The following VPS37A variants were observed in gnomAD, a reference collection of about 807,000 sequenced individuals.
VPS37A encodes vacuolar protein sorting-associated protein 37A.
In VPS37A, 30 loss-of-function variants were observed where a neutral mutation model predicts 49.8. That is an observed-to-expected ratio of 0.60 (90% CI 0.45 to 0.82). VPS37A has a LOEUF of 0.82. Ranked by LOEUF, VPS37A falls within the 40% of genes least tolerant of loss-of-function variation. The pLI, the probability that VPS37A is intolerant of heterozygous loss-of-function variation, is 0.00. For synonymous variants in VPS37A, 195 were observed against 160.6 expected (o/e 1.21, Z -1.62); for missense variants, 593 against 464.4 (o/e 1.28, Z -2.55).
the VPS37A span, among the ~76,000 whole-genome samples, chr8:17,323,261 G>C: frequency 6.6e-6 from 1 of 151,966 alleles, no homozygotes; most frequent in Non-Finnish European, 1.5e-5. Flanking sequence ...GAATTATCTT[G>C]ATTTATTAAG....
Position 17,284,595 on chromosome 8 carries a change from T to G in VPS37A, c.1092T>G (p.Ser364Arg), listed in dbSNP as rs868860607. Residue 364 changes from serine (S) to arginine (R), a missense_variant, in exon 10 of 12, where the codon AGT (serine) becomes AGG (arginine). Transcript: ENST00000324849. The stretch of plus-strand genomic sequence containing the variant: ...AGATGGAAATAGATGATTTTCTCAG[T>G]AGCTTCATGGAAAAGAGAACAGTAT... ...EGKMEIDDFL[S>R]SFMEKRTICH... The G allele has an allele frequency of 6.3e-7, 1 of 1,599,600 alleles. No individual in the cohort carries two copies.
downstream of VPS37A, among the ~76,000 whole-genome samples, chr8:17,302,691 G>T: frequency 1.0e-5 from 1 of 95,456 alleles, no homozygotes; most frequent in African/African-American, 3.6e-5. Context: ...GTTGACATTT[G>T]CATTGGCAAT....
At position 17,272,103 on chromosome 8, in the gene VPS37A, T is replaced by C. The variant is rs1441679137; in HGVS notation, c.417-2630T>C. The stretch of plus-strand genomic sequence containing the variant: ...TTCCATATTATTGCATGCAGCAGTA[T>C]TGGTAAACTTTCCACTAATAAAAAG... On this transcript the variant is annotated intron_variant, in intron 4 of 11. Coordinates refer to ENST00000324849, the MANE Select transcript of VPS37A (RefSeq NM_152415.3). 6.6e-6 allele frequency: 3 copies of C among 456,298 alleles called. No individual in the cohort carries two copies. The East Asian group carries it at 2.1e-4, about 32-fold the overall frequency. The allele number at this position is 456,298 out of a possible 1,614,324, so 28.3% of individuals were successfully genotyped here. A position where few individuals can be genotyped will look rare whatever the true frequency, so the allele number is the denominator to read the frequency against.
At chr8:17,276,523 C>A in intron 6 of VPS37A, 56 bp downstream of exon 6, 1 of 1,486,362 alleles carries the variant, frequency 6.7e-7, no homozygotes, top group Admixed American at 2.0e-5. Context: ...AAGCATAAAC[C>A]AGATTATTAT....
chr8:17,292,151 C>T (rs1816215199), intron 11 of VPS37A, among the ~76,000 whole-genome samples: 3 of 152,136 alleles, frequency 2.0e-5, no homozygotes, highest in African/African-American at 7.2e-5. Flanking sequence ...CTGGGTGCTC[C>T]TGTATTGGGT....
At chr8:17,248,261 CTTTTTTTTT>C in intron 1 of VPS37A, 3 of 396,990 alleles carry the variant, frequency 7.6e-6, no homozygotes, top group Middle Eastern at 8.5e-4. Flanking sequence ...TCCCTAACCC[CTTTTTTTTT>C]TTTTTTTTTT....
chr8:17,273,325 C>T (rs1325942747), intron 4 of VPS37A, among the ~76,000 whole-genome samples: 1 of 152,088 alleles, frequency 6.6e-6, no homozygotes, highest in Non-Finnish European at 1.5e-5. Context: ...GTGTAATGCA[C>T]ATTTGTAGTT....
chr8:17,299,739 G>T, downstream of VPS37A: 2 of 1,371,388 alleles, frequency 1.5e-6, no homozygotes, highest in Non-Finnish European at 2.0e-6. Context: ...CCTTTTCATA[G>T]CTGCATTAAA....
chr8:17,264,089 A>G (rs1490517176), intron 1 of VPS37A, among the ~76,000 whole-genome samples: 2 of 152,146 alleles, frequency 1.3e-5, no homozygotes, highest in Non-Finnish European at 2.9e-5. Flanking sequence ...ATTTTGCGTA[A>G]TCTAACAAAT....
At chr8:17,247,880 C>T (rs903294470) in intron 1 of VPS37A, 15 of 655,872 alleles carry the variant, frequency 2.3e-5, no homozygotes, top group Non-Finnish European at 3.6e-5. Flanking sequence ...AGTCAGTCTT[C>T]TTGAGTCTCT....
In VPS37A at chr8:17,268,282, G is replaced by C. The variant is rs1813656495; in HGVS notation, c.225G>C (p.Gln75His). 7 of 1,612,556 alleles carry C rather than the reference G, an allele frequency of 4.3e-6. No homozygotes were observed. The highest frequency in any genetic ancestry group is 4.2e-6 in the Non-Finnish European group (5 of 1,179,620). Residue 75 changes from glutamine to histidine, a missense_variant, in exon 3 of 12, where the codon CAG becomes CAC. Coordinates refer to ENST00000324849, the MANE Select transcript of VPS37A (RefSeq NM_152415.3). Reference protein sequence around the residue: ...INILLPPQFPQEKPVISVYPP... With the variant: ...INILLPPQFPHEKPVISVYPP... ...GATTGCTTCCTCCACAGTTTCCTCA[G>C]GAAAAACCAGTGATCAGTGTTTATC...
At chr8:17,300,866 A>G (rs941164988), downstream of VPS37A, among the ~76,000 whole-genome samples, 10 of 152,264 alleles carry the variant, frequency 6.6e-5, no homozygotes, top group African/African-American at 9.6e-5. Context: ...GAATGGAATC[A>G]TACAACATGT....
At chr8:17,292,194 C>T (rs150313292) in intron 11 of VPS37A, among the ~76,000 whole-genome samples, 4,500 of 152,158 alleles carry the variant, frequency 0.03, 241 homozygotes, top group African/African-American at 0.1. Context: ...GCTCTTCTTC[C>T]TACATTGATC....
intron 9 of VPS37A, 140 bp from the exon 10 acceptor site, chr8:17,284,332 TA>T: frequency 1.0e-6 from 1 of 956,498 alleles, no homozygotes; most frequent in Non-Finnish European, 1.5e-6. Flanking sequence ...TGGGGCATTA[TA>T]AGACAGCAGA....
chr8:17,274,709 A>G (rs762227747), intron 4 of VPS37A, 24 bp from the exon 5 acceptor site: 2 of 1,573,886 alleles, frequency 1.3e-6, no homozygotes, highest in African/African-American at 1.4e-5. Context: ...ATCTAATGTA[A>G]TGATCTTCTC....
At chr8:17,311,606 C>T in the VPS37A span, 5 of 1,614,140 alleles carry the variant, frequency 3.1e-6, no homozygotes, top group Non-Finnish European at 4.2e-6. Flanking sequence ...GAACAGTGAA[C>T]AAGCACACTT....
downstream of VPS37A, among the ~76,000 whole-genome samples, chr8:17,300,767 T>G (rs1026146571): frequency 6.6e-6 from 1 of 152,210 alleles, no homozygotes; most frequent in Non-Finnish European, 1.5e-5. Flanking sequence ...AGCAGTCATT[T>G]CCCATTCCTA....
intron 1 of VPS37A, chr8:17,248,108 C>A: frequency 2.8e-6 from 1 of 362,670 alleles, no homozygotes; most frequent in Non-Finnish European, 5.3e-6. Flanking sequence ...AATTGGTTTG[C>A]TGCAGCCTTT....
At chr8:17,318,864 C>A in the VPS37A span, among the ~76,000 whole-genome samples, 16 of 152,206 alleles carry the variant, frequency 1.1e-4, no homozygotes, top group African/African-American at 3.6e-4. Context: ...AGGCCTTCAC[C>A]AGTGACTTGT....
Sources: gnomAD v4.1 joint callset for allele counts (sites outside exome capture counted in the v4.1 genomes callset) on GRCh38, gnomAD v4.1.1 for gene constraint, MANE v1.5 for transcripts, NCBI Gene and HGNC (gene_info 2026-07-23, HGNC 2026-07-21) for gene names.